The following GLRB variants were observed in gnomAD, a reference collection of about 807,000 sequenced individuals.
GLRB encodes the protein glycine receptor beta, also known as glycine receptor subunit beta.
Under a neutral mutation model 54.2 loss-of-function variants are expected in GLRB, and 33 were observed. That is an observed-to-expected ratio of 0.61 (90% confidence interval 0.46 to 0.81). The LOEUF (loss-of-function observed/expected upper bound fraction) is 0.81, where lower values mean the gene tolerates loss of function less well. Among genes scored for constraint, GLRB ranks in the 40% least tolerant of loss-of-function variants. The pLI is 0.00. For synonymous variants in GLRB, 209 were observed against 208.2 expected, an observed-to-expected ratio of 1.00 and a Z score of -0.03; for missense variants, 572 against 584.6, an observed-to-expected ratio of 0.98 and a Z score of 0.22.
chr4:157,105,365 C>T (rs890802179), intron 2 of GLRB, among the ~76,000 whole-genome samples: 9 of 151,914 alleles, frequency 5.9e-5, no homozygotes, highest in Non-Finnish European at 7.4e-5. Flanking sequence ...AGTTTCATTC[C>T]ATTGTGTTTG....
chr4:157,129,993 TAAC>T (rs1000789664), intron 4 of GLRB, among the ~76,000 whole-genome samples: 3 of 151,644 alleles, frequency 2.0e-5, no homozygotes, highest in Non-Finnish European at 4.4e-5. Flanking sequence ...TAAAAAGGAA[TAAC>T]AACAACATGA....
chr4:157,136,877 C>G lies in GLRB; in HGVS notation c.601C>G (p.Leu201Val), dbSNP rs754330008. Residue 201 changes from leucine (L) to valine (V), a missense_variant, in exon 6 of 10, where the codon CTG (leucine) becomes GTG (valine). Transcript: ENST00000264428. ...GGATACACAACGTTGCAAGATGCAA[C>G]TGGAGAGCTGTACGTAAATGAGAAC... ...PMDTQRCKMQ[L>V]ESFGYTTDDL... 1 of 1,580,968 alleles carries G rather than the reference C, an allele frequency of 6.3e-7. No homozygotes were observed. The highest frequency in any genetic ancestry group is 8.7e-7 in the Non-Finnish European group (1 of 1,149,918).
chr4:157,078,218 A>G (rs1734107883), intron 2 of GLRB, 72 bp downstream of exon 2: 2 of 1,597,282 alleles, frequency 1.3e-6, no homozygotes, highest in Non-Finnish European at 1.7e-6. Context: ...AAGGTGGTTT[A>G]TGAAGACACA....
At chr4:157,111,803 A>T (rs1197408568) in intron 2 of GLRB, among the ~76,000 whole-genome samples, 1 of 151,036 alleles carries the variant, frequency 6.6e-6, no homozygotes, top group African/African-American at 2.4e-5. Context: ...TATACTATCC[A>T]CTCCAATCTA....
At chr4:157,103,866 C>T (rs1288230035) in intron 2 of GLRB, among the ~76,000 whole-genome samples, 1 of 151,832 alleles carries the variant, frequency 6.6e-6, no homozygotes, top group East Asian at 1.9e-4. Flanking sequence ...TATAGAAAAG[C>T]AATTGATGTT....
At chr4:157,087,368 A>C (rs1185735568) in intron 2 of GLRB, among the ~76,000 whole-genome samples, 1 of 152,160 alleles carries the variant, frequency 6.6e-6, no homozygotes, top group African/African-American at 2.4e-5. Flanking sequence ...TAAGTCACTT[A>C]ATCTATCTGA....
intron 2 of GLRB, among the ~76,000 whole-genome samples, chr4:157,093,122 G>A (rs1734678763): frequency 6.6e-6 from 1 of 150,860 alleles, no homozygotes; most frequent in Non-Finnish European, 1.5e-5. Context: ...GCAACATATT[G>A]GGTTTACTTA....
chr4:157,090,180 C>G (rs1161459184), intron 2 of GLRB, among the ~76,000 whole-genome samples: 2 of 152,172 alleles, frequency 1.3e-5, no homozygotes, highest in Non-Finnish European at 2.9e-5. Context: ...TGTTTAGGGA[C>G]ACAAAGAGCT....
intron 2 of GLRB, among the ~76,000 whole-genome samples, chr4:157,104,381 C>T (rs1735145482): frequency 6.6e-6 from 1 of 152,034 alleles, no homozygotes; most frequent in Non-Finnish European, 1.5e-5. Flanking sequence ...GTATGTTGAA[C>T]TATCCTTGTA....
intron 2 of GLRB, among the ~76,000 whole-genome samples, chr4:157,084,321 A>G (rs940912743): frequency 1.3e-5 from 2 of 152,148 alleles, no homozygotes; most frequent in Non-Finnish European, 2.9e-5. Context: ...AGTGAAACTA[A>G]TATGTTTGAA....
At chr4:157,103,985 T>C (rs1272431373) in intron 2 of GLRB, among the ~76,000 whole-genome samples, 1 of 151,960 alleles carries the variant, frequency 6.6e-6, no homozygotes, top group Admixed American at 6.6e-5. Context: ...TTCCTTTATA[T>C]AGATTATGCC....
intron 8 of GLRB, among the ~76,000 whole-genome samples, chr4:157,146,177 C>A (rs1173598911): frequency 6.6e-6 from 1 of 151,834 alleles, no homozygotes; most frequent in Admixed American, 6.6e-5. Flanking sequence ...CCACCATGCC[C>A]AGCTAATTTT....
intron 2 of GLRB, among the ~76,000 whole-genome samples, chr4:157,078,501 A>C (rs574138943): frequency 6.6e-6 from 1 of 151,782 alleles, no homozygotes; most frequent in South Asian, 2.1e-4. Flanking sequence ...ACCAGTTCAA[A>C]AAGTTTTTTT....
chr4:157,088,166 T>G (rs965972859), intron 2 of GLRB, among the ~76,000 whole-genome samples: 1 of 152,154 alleles, frequency 6.6e-6, no homozygotes, highest in African/African-American at 2.4e-5. Context: ...AAAACAATAG[T>G]AGGAGTTTAC....
chr4:157,099,307 G>T (rs1415862198), intron 2 of GLRB, among the ~76,000 whole-genome samples: 2 of 151,386 alleles, frequency 1.3e-5, no homozygotes, highest in Non-Finnish European at 2.9e-5. Context: ...AATGTTTTCA[G>T]TCTGGGGTCA....
chr4:157,140,552 G>C (rs1178983936), intron 7 of GLRB, among the ~76,000 whole-genome samples: 1 of 151,850 alleles, frequency 6.6e-6, no homozygotes, highest in Non-Finnish European at 1.5e-5. Context: ...ATTGTTTTTA[G>C]TTCTTTGCAG....
chr4:157,146,599 A>G (rs924304908), intron 8 of GLRB, among the ~76,000 whole-genome samples: 5 of 151,988 alleles, frequency 3.3e-5, no homozygotes, highest in African/African-American at 1.2e-4. Context: ...TGGGCAAATC[A>G]CCTGAGGTCA....
intron 8 of GLRB, among the ~76,000 whole-genome samples, chr4:157,147,465 GA>G (rs137898009): frequency 0.082 from 12,519 of 152,130 alleles, 1,705 homozygotes; most frequent in African/African-American, 0.28. Context: ...GAAAGAAGAT[GA>G]GGGGGGGATT....
chr4:157,106,150 G>C (rs1378604644), intron 2 of GLRB, among the ~76,000 whole-genome samples: 1 of 152,052 alleles, frequency 6.6e-6, no homozygotes, highest in Non-Finnish European at 1.5e-5. Context: ...GGACGAGTTT[G>C]CCATGTAGAG....
Sources: gnomAD v4.1 joint callset for allele counts (sites outside exome capture counted in the v4.1 genomes callset) on GRCh38, gnomAD v4.1.1 for gene constraint, MANE v1.5 for transcripts, NCBI Gene and HGNC (gene_info 2026-07-23, HGNC 2026-07-21) for gene names.